Variants in KCNQ1 observed in about 807,000 individuals in gnomAD.
KCNQ1 encodes the protein potassium voltage-gated channel subfamily KQT member 1.
KCNQ1 carries 49 observed loss-of-function variants against 72.4 expected under a neutral mutation model. That is an observed-to-expected ratio of 0.68 (90% CI 0.54 to 0.86). The LOEUF (loss-of-function observed/expected upper bound fraction) is 0.86. Among genes scored for constraint, KCNQ1 ranks in the 40% least tolerant of loss-of-function variants. The probability of loss-of-function intolerance (pLI) is 0.00; values close to 1 mark genes in which losing one functional copy is unlikely to be tolerated. For missense variants in KCNQ1, 790 were observed against 945.1 expected, an observed-to-expected ratio of 0.84 and a Z score of 2.15; for synonymous variants, 450 against 412.6, an observed-to-expected ratio of 1.09 and a Z score of -1.10.
chr11:2,770,896 C>A (rs1047939549), intron 12 of KCNQ1, among the ~76,000 whole-genome samples: 2 of 152,242 alleles, frequency 1.3e-5, no homozygotes, highest in African/African-American at 2.4e-5. Flanking sequence ...TGCGTGAACC[C>A]CTTTGGGACT....
intron 15 of KCNQ1, among the ~76,000 whole-genome samples, chr11:2,792,401 G>A (rs867435894): frequency 2.4e-4 from 36 of 152,220 alleles, no homozygotes; most frequent in African/African-American, 7.7e-4. Context: ...CCAGCACACG[G>A]TCCCTTTTAC....
Position 2,495,275 on chromosome 11 carries a change from CA to C in KCNQ1, c.387-32647del, listed in dbSNP as rs1468108554. 2.0e-5 allele frequency among the ~76,000 whole-genome samples: 3 copies of C among 151,996 alleles called. No homozygotes were observed. Among genetic ancestry groups the C allele is most frequent in the African/African-American group, 7.3e-5 (3 of 41,370 alleles). ...TGGCAGTCTATTTTGTTAATCTTTT[CA>C]AAAAACCAGCTCCTGGATTCATTGA... On this transcript the variant is annotated intron_variant, in intron 1 of 15. Transcript: ENST00000155840. This position sits in a 1 kb window ranked among gnomAD's most constrained non-coding sequence, Gnocchi z 4.6.
Position 2,745,403 on chromosome 11 carries a change from A to AT in KCNQ1, c.1515-23435dup, listed in dbSNP as rs983321043. Among the ~76,000 whole-genome samples, 14 of 151,902 alleles carry AT rather than the reference A, an allele frequency of 9.2e-5. No individual in the cohort carries two copies. Among genetic ancestry groups the AT allele is most frequent in the African/African-American group, 3.4e-4 (14 of 41,384 alleles). On this transcript the variant is annotated intron_variant, in intron 11 of 15. Transcript: ENST00000155840. The surrounding 1 kb of genome is among the most constrained non-coding windows in gnomAD (Gnocchi z 6.2). ...ACCTTCTTTCCCCTGCTATTTTGGA[A>AT]TTTTTTCTCCCAGGAGTTTATTGCT...
Position 2,563,417 on chromosome 11 carries a change from C to T in KCNQ1, c.478-7211C>T, listed in dbSNP as rs1848202642. Among the ~76,000 whole-genome samples, 1 of 152,202 alleles carries T rather than the reference C, an allele frequency of 6.6e-6. No individual in the cohort carries two copies. The highest frequency in any genetic ancestry group is 2.1e-4 in the South Asian group (1 of 4,832). On this transcript the variant is annotated intron_variant, in intron 2 of 15. Coordinates refer to ENST00000155840, the MANE Select transcript of KCNQ1 (RefSeq NM_000218.3). This position sits in a 1 kb window ranked among gnomAD's most constrained non-coding sequence, Gnocchi z 7.4. ...GGCCCTCCGGCTTCGGGCAGGTCTC[C>T]TCTTTATGCCACTGTAACCCCACAA...
At position 2,627,038 on chromosome 11, in the gene KCNQ1, C is replaced by T. The variant is rs1849272603; in HGVS notation, c.1394-34923C>T. On this transcript the variant is annotated intron_variant, in intron 10 of 15. Transcript: ENST00000155840. This position sits in a 1 kb window ranked among gnomAD's most constrained non-coding sequence, Gnocchi z 4.9. ...GGTACTGACACCTTAACAATATTGGCCTTCCAATCCATGAACATAGGAGGT... is the reference window on the plus strand; with the variant it reads ...GGTACTGACACCTTAACAATATTGGTCTTCCAATCCATGAACATAGGAGGT... 5.0e-6 allele frequency: 2 copies of T among 398,528 alleles called. No homozygotes were observed. The highest frequency in any genetic ancestry group is 8.8e-5 in the Admixed American group (2 of 22,728). The allele number at this position is 398,528 out of a possible 1,614,324, so 24.7% of individuals were successfully genotyped here. A position where few individuals can be genotyped will look rare whatever the true frequency, so the allele number is the denominator to read the frequency against.
At chr11:2,814,448 G>A (rs775652124) in intron 15 of KCNQ1, among the ~76,000 whole-genome samples, 5 of 151,666 alleles carry the variant, frequency 3.3e-5, no homozygotes, top group Admixed American at 1.3e-4. Context: ...ATGAAGAGAT[G>A]GGTGGGTGGA....
chr11:2,560,041 AG>A, intron 2 of KCNQ1, among the ~76,000 whole-genome samples: 1 of 139,252 alleles, frequency 7.2e-6, no homozygotes, highest in Non-Finnish European at 1.5e-5. Flanking sequence ...AACACGGGGG[AG>A]GGGGTACCGC....
chr11:2,717,982 G>A (rs916215001), intron 11 of KCNQ1, among the ~76,000 whole-genome samples: 1 of 152,248 alleles, frequency 6.6e-6, no homozygotes, highest in Non-Finnish European at 1.5e-5. Context: ...GTTTCTGAAG[G>A]CTGCGAAAGC....
In KCNQ1 at chr11:2,633,793, G is replaced by A. The variant is rs370705995; in HGVS notation, c.1394-28168G>A. On this transcript the variant is annotated intron_variant, in intron 10 of 15. Coordinates refer to ENST00000155840, the MANE Select transcript of KCNQ1 (RefSeq NM_000218.3). ...TTTGTATACAAGGGGGATTGCTTCC[G>A]AGACCCCCTGTATATACCAAAAGCC... is the stretch of plus-strand genomic sequence containing the variant. The A allele has an allele frequency of 3.5e-5, 14 of 398,408 alleles. No homozygotes were observed. The South Asian group carries it at 1.0e-3, about 29-fold the overall frequency. The allele number at this position is 398,408 out of a possible 1,614,324, so 24.7% of individuals were successfully genotyped here.
intron 1 of KCNQ1, among the ~76,000 whole-genome samples, chr11:2,449,892 G>A (rs966583843): frequency 2.0e-5 from 3 of 152,158 alleles, no homozygotes; most frequent in African/African-American, 7.2e-5. Flanking sequence ...GAGTCCTAGG[G>A]ATGCTGTTAA....
intron 11 of KCNQ1, among the ~76,000 whole-genome samples, chr11:2,701,653 G>A (rs376905300): frequency 1.3e-5 from 2 of 152,190 alleles, no homozygotes; most frequent in South Asian, 2.1e-4. Context: ...TGGAACTTCA[G>A]CTCCCAAGTG....
rs567026485 is a variant in KCNQ1, at chr11:2,558,775, CA to C, written c.478-11852del. Among the ~76,000 whole-genome samples, 30 of 152,320 alleles carry C rather than the reference CA, an allele frequency of 2.0e-4. No individual in the cohort carries two copies. The East Asian group carries it at 5.8e-3, about 29-fold the overall frequency. ...TGAAATTAAAATTACTGAGAGGCCC[CA>C]CTCTCCTCCCCTCCATGGGTGGGCA... On this transcript the variant is annotated intron_variant, in intron 2 of 15. Transcript: ENST00000155840.
rs920790441 is a variant in KCNQ1 at position 2,598,788 on chromosome 11, A to C, written c.1393+9934A>C. On this transcript the variant is annotated intron_variant, in intron 10 of 15. Transcript: ENST00000155840. The surrounding 1 kb of genome is among the most constrained non-coding windows in gnomAD (Gnocchi z 6.2). ...CTCTGCCATTTTCTTATGTGGCCCT[A>C]AGCAAGCTACTGCATTCTCTGTGCC... Among the ~76,000 whole-genome samples, 2 of 152,164 alleles carry C rather than the reference A, an allele frequency of 1.3e-5. No homozygotes were observed. The highest frequency in any genetic ancestry group is 1.3e-4 in the Admixed American group (2 of 15,278).
chr11:2,792,187 CA>C (rs951717930), intron 15 of KCNQ1, among the ~76,000 whole-genome samples: 5 of 152,206 alleles, frequency 3.3e-5, no homozygotes, highest in Non-Finnish European at 5.9e-5. Flanking sequence ...GGTGGCCCTG[CA>C]GGCCCAGAGC....
In KCNQ1 at chr11:2,492,305, G is replaced by C. The variant is rs1323368889; in HGVS notation, c.387-35623G>C. Among the ~76,000 whole-genome samples the C allele has an allele frequency of 6.6e-6, 1 of 152,140 alleles. No individual in the cohort carries two copies. Among genetic ancestry groups the C allele is most frequent in the African/African-American group, 2.4e-5 (1 of 41,438 alleles). On this transcript the variant is annotated intron_variant, in intron 1 of 15. Transcript: ENST00000155840. This position sits in a 1 kb window ranked among gnomAD's most constrained non-coding sequence, Gnocchi z 4.1. ...AATAGGCAGTACAATAAGATATAGAGACAAAAAAACTTAAAAAGCGGAGAG... is the reference window on the plus strand; with the variant it reads ...AATAGGCAGTACAATAAGATATAGACACAAAAAAACTTAAAAAGCGGAGAG...
At position 2,527,971 on chromosome 11, in the gene KCNQ1, A is replaced by G. The variant is rs199473451; in HGVS notation, c.430A>G (p.Thr144Ala). ...LVCLIFSVLS[T>A]IEQYAALATG... ...CTGCCTCATCTTCAGCGTGCTGTCC[A>G]CCATCGAGCAGTATGCCGCCCTGGC... Residue 144 changes from threonine (T) to alanine (A), a missense_variant, in exon 2 of 16, where the codon ACC (threonine) becomes GCC (alanine). Transcript: ENST00000155840. 4 of 1,613,946 alleles carry G rather than the reference A, an allele frequency of 2.5e-6. No homozygotes were observed. The highest frequency in any genetic ancestry group is 3.4e-6 in the Non-Finnish European group (4 of 1,179,994).
chr11:2,510,998 C>T (rs1023380900), intron 1 of KCNQ1, among the ~76,000 whole-genome samples: 1 of 152,250 alleles, frequency 6.6e-6, no homozygotes, highest in Non-Finnish European at 1.5e-5. Context: ...TGCCCTGCCT[C>T]TCCCCGAGAC....
Position 2,766,837 on chromosome 11 carries a change from G to T in KCNQ1, c.1515-2007G>T, listed in dbSNP as rs982061336. Among the ~76,000 whole-genome samples, 1 of 152,166 alleles carries T rather than the reference G, an allele frequency of 6.6e-6. No homozygotes were observed. The highest frequency in any genetic ancestry group is 1.5e-5 in the Non-Finnish European group (1 of 68,028). On this transcript the variant is annotated intron_variant, in intron 11 of 15. Transcript: ENST00000155840. This position sits in a 1 kb window ranked among gnomAD's most constrained non-coding sequence, Gnocchi z 4.4. Reference sequence around the variant, plus strand: ...TTTCTTAGTCCTTATTTCTGTATCAGTTACCTATTGTTGCGTAGCAAACTA... The same window carrying T: ...TTTCTTAGTCCTTATTTCTGTATCATTTACCTATTGTTGCGTAGCAAACTA...
At chr11:2,641,393 G>C (rs1849574659) in intron 10 of KCNQ1, 2 of 397,184 alleles carry the variant, frequency 5.0e-6, no homozygotes, top group South Asian at 1.3e-4. Context: ...CTGATGTTGG[G>C]CTTTTTTTTT....
Sources: allele counts gnomAD v4.1 joint callset (sites outside exome capture counted in the v4.1 genomes callset), GRCh38; gene constraint gnomAD v4.1.1; non-coding constraint Gnocchi (gnomAD v3.1); transcripts MANE v1.5; gene names NCBI Gene and HGNC (gene_info 2026-07-23, HGNC 2026-07-21).